The following GRIA2 variants were observed in gnomAD, a reference collection of about 807,000 sequenced individuals.
The protein encoded by GRIA2 is glutamate ionotropic receptor AMPA type subunit 2.
A neutral mutation model predicts 97.3 loss-of-function variants in GRIA2; 14 were observed. The observed-to-expected ratio is 0.14, with a 90% CI of 0.10 to 0.23. The LOEUF is 0.23. Among genes scored for constraint, GRIA2 ranks in the 10% least tolerant of loss-of-function variants. The pLI, the probability that GRIA2 is intolerant of heterozygous loss-of-function variation, is 1.00. For missense variants in GRIA2, 558 were observed against 1,069.8 expected (o/e 0.52, Z 6.67); for synonymous variants, 412 against 387.8 (o/e 1.06, Z -0.73).
At chr4:157,273,785 G>A (rs1732147053) in intron 2 of GRIA2, among the ~76,000 whole-genome samples, 1 of 151,914 alleles carries the variant, frequency 6.6e-6, no homozygotes, top group Non-Finnish European at 1.5e-5. Flanking sequence ...AATATCACAA[G>A]GAAAATAAAG....
At chr4:157,221,396 A>G (rs1729485621) in intron 1 of GRIA2, 5 of 568,298 alleles carry the variant, frequency 8.8e-6, no homozygotes, top group East Asian at 2.9e-5. Context: ...CAGTTTGCTC[A>G]GATTTTCTTG....
chr4:157,234,156 T>G (rs986091548), intron 2 of GRIA2, among the ~76,000 whole-genome samples: 5 of 152,148 alleles, frequency 3.3e-5, no homozygotes, highest in Non-Finnish European at 7.4e-5. Context: ...TGCCTCATGA[T>G]GTAATTATCA....
intron 11 of GRIA2, among the ~76,000 whole-genome samples, chr4:157,338,047 T>TAC (rs1735381113): frequency 9.9e-4 from 23 of 23,312 alleles, no homozygotes; most frequent in African/African-American, 3.3e-3. Context: ...TATATATATA[T>TAC]ATACACACAC....
intron 2 of GRIA2, among the ~76,000 whole-genome samples, chr4:157,256,224 A>G (rs1421094379): frequency 5.8e-5 from 7 of 121,356 alleles, no homozygotes; most frequent in South Asian, 2.2e-4. Context: ...TATATAATAT[A>G]TAATATATAA....
intron 2 of GRIA2, among the ~76,000 whole-genome samples, chr4:157,274,224 A>G (rs1732171856): frequency 6.6e-6 from 1 of 152,044 alleles, no homozygotes; most frequent in Non-Finnish European, 1.5e-5. Flanking sequence ...AATGCTAAAG[A>G]AGTTCCTCAT....
chr4:157,243,462 C>T (rs939260156), intron 2 of GRIA2, among the ~76,000 whole-genome samples: 4 of 152,070 alleles, frequency 2.6e-5, no homozygotes, highest in Admixed American at 6.6e-5. Context: ...GAAATGAACA[C>T]GCTTATTCTC....
intron 3 of GRIA2, among the ~76,000 whole-genome samples, chr4:157,306,834 T>A (rs559568283): frequency 6.6e-6 from 1 of 152,304 alleles, no homozygotes; most frequent in African/African-American, 2.4e-5. Flanking sequence ...TGGTCCGAAA[T>A]CATTTTGCTT....
chr4:157,223,076 C>T (rs1729580142), intron 2 of GRIA2, among the ~76,000 whole-genome samples: 1 of 152,168 alleles, frequency 6.6e-6, no homozygotes. Flanking sequence ...GGAAAATTAC[C>T]ACAGGAAAAG....
At chr4:157,345,792 C>T (rs1477700081) in intron 12 of GRIA2, among the ~76,000 whole-genome samples, 1 of 152,094 alleles carries the variant, frequency 6.6e-6, no homozygotes, top group Non-Finnish European at 1.5e-5. Context: ...ACAGATTATT[C>T]TCTAAATATA....
At chr4:157,255,781 G>C (rs559954685) in intron 2 of GRIA2, among the ~76,000 whole-genome samples, 34 of 151,560 alleles carry the variant, frequency 2.2e-4, no homozygotes, top group Non-Finnish European at 2.5e-4. Flanking sequence ...CTCAACAACC[G>C]TAACAAAAAC....
intron 6 of GRIA2, among the ~76,000 whole-genome samples, chr4:157,331,037 A>C (rs1283758309): frequency 6.6e-6 from 1 of 152,072 alleles, no homozygotes; most frequent in African/African-American, 2.4e-5. Flanking sequence ...TAAATGAGCC[A>C]TACATGCAGA....
At position 157,277,874 on chromosome 4, in the gene GRIA2, A is replaced by ATATATATGTATATATG. The variant is rs1025470287; in HGVS notation, c.230-25670_230-25655dup. 5.9e-4 allele frequency among the ~76,000 whole-genome samples: 85 copies of ATATATATGTATATATG among 144,208 alleles called. No individual in the cohort carries two copies. In the East Asian group the frequency reaches 0.011, roughly 18 times the overall value. The allele number at this position is 144,208 out of a possible 152,430, so 94.6% of individuals were successfully genotyped here. Reference sequence around the variant, plus strand: ...TATATGTATATATATGTATATATGTATATATATGTATATATGTATATATAT... The same window carrying ATATATATGTATATATG: ...TATATGTATATATATGTATATATGTATATATATGTATATATGTATATATGTATATATGTATATATAT... On this transcript the variant is annotated intron_variant, in intron 2 of 15. Coordinates refer to ENST00000264426, the MANE Select transcript of GRIA2 (RefSeq NM_001083619.3).
intron 2 of GRIA2, among the ~76,000 whole-genome samples, chr4:157,248,178 A>G (rs1342446821): frequency 6.6e-6 from 1 of 151,520 alleles, no homozygotes; most frequent in Admixed American, 6.6e-5. Context: ...ATTACTACCA[A>G]AGTATAAAAC....
intron 2 of GRIA2, among the ~76,000 whole-genome samples, chr4:157,276,596 G>GT (rs879481351): frequency 6.6e-6 from 1 of 151,664 alleles, no homozygotes; most frequent in African/African-American, 2.4e-5. Flanking sequence ...ACCAAAAGGT[G>GT]TTTTTTTAAT....
At chr4:157,269,399 T>C (rs1239952937) in intron 2 of GRIA2, among the ~76,000 whole-genome samples, 2 of 152,106 alleles carry the variant, frequency 1.3e-5, no homozygotes, top group African/African-American at 4.8e-5. Flanking sequence ...ATCATTTAAT[T>C]TGAGTGTTAG....
In GRIA2 at chr4:157,279,897, G is replaced by T. The variant is rs568193692; in HGVS notation, c.230-23655G>T. On this transcript the variant is annotated intron_variant, in intron 2 of 15. Coordinates refer to ENST00000264426, the MANE Select transcript of GRIA2 (RefSeq NM_001083619.3). Reference sequence around the variant, plus strand: ...CTCAGCACTTTGGGAGGCCAAGGCGGGTGGATCACCTGAGGTCAGGAGTTC... The same window carrying T: ...CTCAGCACTTTGGGAGGCCAAGGCGTGTGGATCACCTGAGGTCAGGAGTTC... Among the ~76,000 whole-genome samples, 6 of 152,214 alleles carry T rather than the reference G, an allele frequency of 3.9e-5. No individual in the cohort carries two copies. The East Asian group carries it at 1.2e-3, about 30-fold the overall frequency.
rs1560785488 is a variant in GRIA2, at chr4:157,363,687, CTT to C, written c.*259_*260del. 1 of 671,126 alleles carries C rather than the reference CTT, an allele frequency of 1.5e-6. No individual in the cohort carries two copies. 41.6% of individuals were successfully genotyped at this position (671,126 alleles called of 1,614,324 possible). A position where few individuals can be genotyped will look rare whatever the true frequency, so the allele number is the denominator to read the frequency against. Reference sequence around the variant, plus strand: ...TGAGAGGCATCCAGTATCTTGAAGACTTTTCTTTCAGCCAAGAATTCTTAAAT... The same window carrying C: ...TGAGAGGCATCCAGTATCTTGAAGACTTCTTTCAGCCAAGAATTCTTAAAT... On this transcript the variant is annotated 3_prime_UTR_variant, in exon 16 of 16. Transcript: ENST00000264426.
At chr4:157,362,404 A>C (rs987410471) in intron 14 of GRIA2, 8 of 458,560 alleles carry the variant, frequency 1.7e-5, no homozygotes, top group African/African-American at 1.4e-4. Flanking sequence ...CGTATGGTTT[A>C]TTTTAGCCCT....
In GRIA2 at chr4:157,363,516, C is replaced by A. The variant is rs1395712586; in HGVS notation, c.*85C>A. 18 of 1,237,870 alleles carry A rather than the reference C, an allele frequency of 1.5e-5. No individual in the cohort carries two copies. The highest frequency in any genetic ancestry group is 1.6e-5 in the Non-Finnish European group (16 of 989,658). The allele number at this position is 1,237,870 out of a possible 1,614,324, so 76.7% of individuals were successfully genotyped here. On this transcript the variant is annotated 3_prime_UTR_variant, in exon 16 of 16. Transcript: ENST00000264426. The stretch of plus-strand genomic sequence containing the variant: ...TGGAGAAAATGGACGTGTTATGACT[C>A]CAGAATTTCCCAAAGCAGTGCATGC...
Sources: gnomAD v4.1 joint callset for allele counts (sites outside exome capture counted in the v4.1 genomes callset) on GRCh38, gnomAD v4.1.1 for gene constraint, MANE v1.5 for transcripts, NCBI Gene and HGNC (gene_info 2026-07-23, HGNC 2026-07-21) for gene names.